Variants in RALGAPB observed in about 807,000 individuals in gnomAD.
RALGAPB encodes the protein Ral GTPase activating protein non-catalytic subunit beta, also known as ral GTPase-activating protein subunit beta.
Under a neutral mutation model 161.1 loss-of-function variants are expected in RALGAPB, and 25 were observed. The observed-to-expected ratio is 0.16, with a 90% confidence interval of 0.11 to 0.22. The LOEUF is 0.22. RALGAPB is among the 10% of genes least tolerant of loss of function. The pLI is 1.00. For missense variants in RALGAPB, 1,391 were observed against 1,815.2 expected (o/e 0.77, Z 4.25); for synonymous variants, 629 against 626.1 (o/e 1.00, Z -0.07).
intron 3 of RALGAPB, among the ~76,000 whole-genome samples, chr20:38,495,413 G>C (rs903504234): frequency 6.6e-5 from 10 of 152,144 alleles, no homozygotes; most frequent in Non-Finnish European, 1.2e-4. Flanking sequence ...TTCTGAAGCA[G>C]GGTTAGCAAA....
At chr20:38,525,086 G>A in intron 11 of RALGAPB, 141 bp downstream of exon 11, 1 of 851,624 alleles carries the variant, frequency 1.2e-6, no homozygotes, top group Non-Finnish European at 1.9e-6. Flanking sequence ...TGAGTGTAGT[G>A]TGTCCAAACC....
chr20:38,532,215 C>T (rs2086676169), intron 14 of RALGAPB, among the ~76,000 whole-genome samples: 1 of 152,078 alleles, frequency 6.6e-6, no homozygotes, highest in African/African-American at 2.4e-5. Context: ...GCCACTGCGC[C>T]CGGCTAATTT....
At chr20:38,521,404 TA>T (rs2086284637) in intron 9 of RALGAPB, 92 bp from the exon 10 acceptor site, 1 of 1,548,720 alleles carries the variant, frequency 6.5e-7, no homozygotes, top group African/African-American at 1.4e-5. Flanking sequence ...AGTAGCTATT[TA>T]ATGACACCAA....
In RALGAPB at chr20:38,573,912, G is replaced by T. The variant is rs564198101; in HGVS notation, c.4143-238G>T. 305 of 311,564 alleles carry T rather than the reference G, an allele frequency of 9.8e-4. 1 individual carries two copies. The highest frequency in any genetic ancestry group is 3.7e-3 in the South Asian group (30 of 8,048). 19.3% of individuals were successfully genotyped at this position (311,564 alleles called of 1,614,324 possible). A position where few individuals can be genotyped will look rare whatever the true frequency, so the allele number is the denominator to read the frequency against. ...ATATATATTTTTTCAGCTCCTTTCTGTTAGCTTAGAAAGCTTGACCCAGTA... is the reference window on the plus strand; with the variant it reads ...ATATATATTTTTTCAGCTCCTTTCTTTTAGCTTAGAAAGCTTGACCCAGTA... On this transcript the variant is annotated intron_variant, in intron 28 of 29. Coordinates refer to ENST00000262879, the MANE Select transcript of RALGAPB (RefSeq NM_020336.4).
intron 28 of RALGAPB, among the ~76,000 whole-genome samples, chr20:38,572,934 CA>C (rs1338455907): frequency 6.6e-6 from 1 of 152,162 alleles, no homozygotes; most frequent in East Asian, 1.9e-4. Flanking sequence ...TTAATTCCTT[CA>C]GTCTCTTTTA....
chr20:38,522,099 G>T (rs2123120124), intron 10 of RALGAPB, among the ~76,000 whole-genome samples: 1 of 152,374 alleles, frequency 6.6e-6, no homozygotes, highest in Admixed American at 6.5e-5. Context: ...CAATGATCCA[G>T]CAGGAATTAG....
intron 13 of RALGAPB, among the ~76,000 whole-genome samples, chr20:38,529,930 C>T (rs1266534641): frequency 6.6e-6 from 1 of 152,188 alleles, no homozygotes; most frequent in African/African-American, 2.4e-5. Context: ...GATAAATCGT[C>T]TCAACTGTTG....
intron 3 of RALGAPB, among the ~76,000 whole-genome samples, chr20:38,494,653 A>C (rs2085369322): frequency 6.6e-6 from 1 of 152,178 alleles, no homozygotes; most frequent in African/African-American, 2.4e-5. Context: ...CAAAACAAAA[A>C]AAACAGGAAA....
chr20:38,542,060 A>G (rs1453523564), intron 18 of RALGAPB, among the ~76,000 whole-genome samples: 1 of 152,206 alleles, frequency 6.6e-6, no homozygotes. Flanking sequence ...GAGGGAAGGA[A>G]GGCAGCTTAG....
At position 38,578,322 on chromosome 20, in the gene RALGAPB, A is replaced by AGCCAC. The variant is rs2088511142; in HGVS notation, c.*3359_*3360insCGCCA. ...CGGTGGGTTTCTTAGTAGCTAAAGA[A>AGCCAC]GCCATGTACTTCTAGTGTGTTTCTC... On this transcript the variant is annotated 3_prime_UTR_variant, in exon 30 of 30. Transcript: ENST00000262879. 1 of 152,198 alleles carries AGCCAC rather than the reference A, an allele frequency of 6.6e-6. No homozygotes were observed. The highest frequency in any genetic ancestry group is 1.5e-5 in the Non-Finnish European group (1 of 68,034). The allele number at this position is 152,198 out of a possible 1,614,324, so 9.4% of individuals were successfully genotyped here.
At position 38,554,209 on chromosome 20, in the gene RALGAPB, A is replaced by C; in HGVS notation, c.3372+133A>C. On this transcript the variant is annotated intron_variant, in intron 22 of 29. Transcript: ENST00000262879. ...CTGGTTAAAATTTTAGCCTGCATAC[A>C]AATAAATGAAATTCTGTGCTGCTGT... is the stretch of plus-strand genomic sequence containing the variant. The C allele has an allele frequency of 7.3e-6, 6 of 818,886 alleles. No individual in the cohort carries two copies. The South Asian group carries it at 1.1e-4, about 15-fold the overall frequency. 50.7% of individuals were successfully genotyped at this position (818,886 alleles called of 1,614,324 possible).
In RALGAPB at chr20:38,493,053, A is replaced by G. The variant is rs149870375; in HGVS notation, c.310A>G (p.Ile104Val). The change falls in exon 3 of 30, where the codon ATT becomes GTT. Residue 104 changes from isoleucine (I) to valine (V), a missense_variant. Coordinates refer to ENST00000262879, the MANE Select transcript of RALGAPB (RefSeq NM_020336.4). ...GGCTTTAGTGTTGCCAAAAGATTCT[A>G]TTCCATTGCCAGTTATTAAAGAGCC... ...IMALVLPKDS[I>V]PLPVIKEPNQ... 34 of 1,611,886 alleles carry G rather than the reference A, an allele frequency of 2.1e-5. No individual in the cohort carries two copies. Among genetic ancestry groups the G allele is most frequent in the South Asian group, 4.4e-5 (4 of 91,048 alleles).
At position 38,535,219 on chromosome 20, in the gene RALGAPB, A is replaced by T. The variant is rs1299728688; in HGVS notation, c.2379+12A>T. ...CTGGCCTTGCAAAGGTGAGGAAGAC[A>T]GTCCTTTTATTTTAACCCAACAGCC... is the stretch of plus-strand genomic sequence containing the variant. On this transcript the variant is annotated intron_variant, in intron 16 of 29. Coordinates refer to ENST00000262879, the MANE Select transcript of RALGAPB (RefSeq NM_020336.4). The T allele has an allele frequency of 1.9e-6, 3 of 1,613,678 alleles. No individual in the cohort carries two copies. In the African/African-American group the frequency reaches 4.0e-5, roughly 22 times the overall value.
At chr20:38,505,462 G>C (rs575849381) in intron 5 of RALGAPB, among the ~76,000 whole-genome samples, 23 of 152,258 alleles carry the variant, frequency 1.5e-4, no homozygotes, top group Middle Eastern at 3.4e-3. Context: ...GAAAAGTCCA[G>C]ATGATGGGAT....
chr20:38,494,386 G>A (rs2085358715), intron 3 of RALGAPB, among the ~76,000 whole-genome samples: 1 of 152,218 alleles, frequency 6.6e-6, no homozygotes, highest in South Asian at 2.1e-4. Context: ...ATCCCAGCAT[G>A]TTTGGAGGCT....
chr20:38,498,357 C>T (rs1030763529), intron 4 of RALGAPB, among the ~76,000 whole-genome samples: 1 of 152,194 alleles, frequency 6.6e-6, no homozygotes, highest in African/African-American at 2.4e-5. Flanking sequence ...AGTTGATCAT[C>T]TAGTTCCAAG....
intron 21 of RALGAPB, among the ~76,000 whole-genome samples, chr20:38,552,409 G>T (rs1451478361): frequency 1.3e-5 from 2 of 152,176 alleles, no homozygotes; most frequent in East Asian, 1.9e-4. Context: ...CCCTCAAAGT[G>T]CTGAGAATTA....
chr20:38,540,895 A>G, intron 17 of RALGAPB, 146 bp from the exon 18 acceptor site: 1 of 734,708 alleles, frequency 1.4e-6, no homozygotes. Context: ...TATTACTATG[A>G]AGTTAATATA....
At chr20:38,482,349 C>A (rs1378194049) in intron 1 of RALGAPB, among the ~76,000 whole-genome samples, 2 of 151,808 alleles carry the variant, frequency 1.3e-5, no homozygotes, top group Non-Finnish European at 2.9e-5. Flanking sequence ...GCAGTTGAAA[C>A]CCATGTTGTT....
Sources: allele counts gnomAD v4.1 joint callset (sites outside exome capture counted in the v4.1 genomes callset), GRCh38; gene constraint gnomAD v4.1.1; transcripts MANE v1.5; gene names NCBI Gene and HGNC (gene_info 2026-07-23, HGNC 2026-07-21).